Variants in GLI3 observed in about 807,000 individuals in gnomAD.
GLI3 encodes GLI family zinc finger 3.
In GLI3, 20 loss-of-function variants were observed where a neutral mutation model predicts 100.8. The ratio of observed to expected loss-of-function variants is 0.20; its 90% CI spans 0.14 to 0.29. The LOEUF is 0.29. Among genes scored for constraint, GLI3 ranks in the 10% least tolerant of loss-of-function variants. The pLI is 1.00. For synonymous variants in GLI3, 938 were observed against 860.5 expected, an observed-to-expected ratio of 1.09 and a Z score of -1.58; for missense variants, 2,040 against 2,128.5, an observed-to-expected ratio of 0.96 and a Z score of 0.82.
rs530234431 is a variant in GLI3, at chr7:42,172,358, G to A, written c.125-23890C>T. On this transcript the variant is annotated intron_variant, in intron 2 of 14. Coordinates refer to ENST00000395925, the MANE Select transcript of GLI3 (RefSeq NM_000168.6). ...GGTTTCAAACAGAAAAGAGGGATCC[G>A]CATGTCTTAACTCACTGCCTCTGTG... The A allele has an allele frequency of 1.9e-4, 109 of 576,218 alleles. 1 individual carries two copies. The East Asian group carries it at 2.7e-3, about 14-fold the overall frequency. 35.7% of individuals were successfully genotyped at this position (576,218 alleles called of 1,614,324 possible).
intron 2 of GLI3, among the ~76,000 whole-genome samples, chr7:42,189,345 T>C (rs1195937275): frequency 6.6e-6 from 1 of 152,116 alleles, no homozygotes; most frequent in Non-Finnish European, 1.5e-5. Flanking sequence ...AGGGAGATGG[T>C]TGTAGAAAGT....
chr7:42,159,144 A>T (rs907337945), intron 2 of GLI3, among the ~76,000 whole-genome samples: 1 of 151,988 alleles, frequency 6.6e-6, no homozygotes, highest in Non-Finnish European at 1.5e-5. Flanking sequence ...ACAAACAAAC[A>T]AAAAAAACAC....
chr7:42,144,285 A>C (rs1786647244), intron 3 of GLI3, among the ~76,000 whole-genome samples: 1 of 152,192 alleles, frequency 6.6e-6, no homozygotes, highest in Non-Finnish European at 1.5e-5. Flanking sequence ...ACTCTGATAC[A>C]AGATCAGGTC....
chr7:42,147,555 C>A (rs528346793), intron 3 of GLI3, among the ~76,000 whole-genome samples: 36 of 152,258 alleles, frequency 2.4e-4, no homozygotes, highest in Non-Finnish European at 3.8e-4. Flanking sequence ...ATAAACTCAA[C>A]CCTTATACAT....
intron 10 of GLI3, among the ~76,000 whole-genome samples, chr7:41,992,888 A>C (rs1788028301): frequency 6.6e-6 from 1 of 152,190 alleles, no homozygotes; most frequent in African/African-American, 2.4e-5. Context: ...GTGTGGGCTT[A>C]AGCAGGAAAA....
intron 3 of GLI3, chr7:42,145,564 G>A (rs1786682425): frequency 2.6e-6 from 1 of 391,412 alleles, no homozygotes; most frequent in African/African-American, 2.1e-5. Context: ...TTCTTAATCT[G>A]TGTTATAGAA....
At chr7:42,039,978 T>G (rs1784098299) in intron 7 of GLI3, 60 bp downstream of exon 7, 1 of 1,261,700 alleles carries the variant, frequency 7.9e-7, no homozygotes, top group South Asian at 1.2e-5. Flanking sequence ...TCACTACAGG[T>G]GCAAACAAGT....
At chr7:41,986,776 A>G (rs1455086708) in intron 10 of GLI3, among the ~76,000 whole-genome samples, 1 of 152,054 alleles carries the variant, frequency 6.6e-6, no homozygotes, top group East Asian at 1.9e-4. Flanking sequence ...ATATCAAAAC[A>G]TACGAATTGC....
At position 41,979,693 on chromosome 7, in the gene GLI3, G is replaced by A. The variant is rs1661908186; in HGVS notation, c.1498-945C>T. Reference sequence around the variant, plus strand: ...ACTACTGAAGACATTTGCATCCTAGGTTGATGCTGTTGGTCTTTATTTTCT... The same window carrying A: ...ACTACTGAAGACATTTGCATCCTAGATTGATGCTGTTGGTCTTTATTTTCT... On this transcript the variant is annotated intron_variant, in intron 10 of 14. Transcript: ENST00000395925. 2.0e-5 allele frequency among the ~76,000 whole-genome samples: 3 copies of A among 152,168 alleles called. No individual in the cohort carries two copies. The South Asian group carries it at 6.2e-4, about 32-fold the overall frequency.
intron 3 of GLI3, among the ~76,000 whole-genome samples, chr7:42,099,344 T>TA (rs1241217297): frequency 2.0e-5 from 3 of 152,226 alleles, no homozygotes; most frequent in Non-Finnish European, 4.4e-5. Flanking sequence ...ATTGTTTTTA[T>TA]AACTGAAAAG....
At chr7:42,158,353 A>C (rs1300714013) in intron 2 of GLI3, among the ~76,000 whole-genome samples, 2 of 152,330 alleles carry the variant, frequency 1.3e-5, no homozygotes, top group East Asian at 3.9e-4. Flanking sequence ...GCTTAAAGTC[A>C]CCCTTCAGGT....
At chr7:41,996,763 G>T (rs1387140948) in intron 10 of GLI3, among the ~76,000 whole-genome samples, 1 of 152,140 alleles carries the variant, frequency 6.6e-6, no homozygotes, top group South Asian at 2.1e-4. Flanking sequence ...AGCCTTAAAG[G>T]CTCTCTTCAA....
chr7:42,022,859 G>A (rs939106972), intron 10 of GLI3, among the ~76,000 whole-genome samples: 1 of 152,216 alleles, frequency 6.6e-6, no homozygotes, highest in Non-Finnish European at 1.5e-5. Context: ...GTTTGGGAGA[G>A]GAGGTGTGGT....
intron 3 of GLI3, among the ~76,000 whole-genome samples, chr7:42,139,940 A>C (rs911079735): frequency 6.6e-6 from 1 of 152,214 alleles, no homozygotes; most frequent in Non-Finnish European, 1.5e-5. Flanking sequence ...AGACTCTTGC[A>C]GGAGAGAAAC....
chr7:42,259,703 C>T (rs754239609), intron 1 of GLI3, among the ~76,000 whole-genome samples: 8 of 152,092 alleles, frequency 5.3e-5, no homozygotes, highest in African/African-American at 1.7e-4. Flanking sequence ...TTTTGATAAA[C>T]GCAGATGACC....
intron 2 of GLI3, among the ~76,000 whole-genome samples, chr7:42,191,308 CA>C (rs1168181702): frequency 6.6e-6 from 1 of 152,104 alleles, no homozygotes; most frequent in Non-Finnish European, 1.5e-5. Flanking sequence ...AATTACCAGT[CA>C]ATAAAAATAG....
chr7:42,061,416 C>G (rs1784566950), intron 4 of GLI3, among the ~76,000 whole-genome samples: 1 of 152,062 alleles, frequency 6.6e-6, no homozygotes, highest in Non-Finnish European at 1.5e-5. Flanking sequence ...TCCCTTGAAC[C>G]TTGACATCTC....
At chr7:42,144,161 C>T (rs1451492217) in intron 3 of GLI3, among the ~76,000 whole-genome samples, 1 of 152,154 alleles carries the variant, frequency 6.6e-6, no homozygotes, top group Non-Finnish European at 1.5e-5. Flanking sequence ...AAATGCATGG[C>T]AGTCAATGAA....
At chr7:42,081,376 A>G (rs947990800) in intron 3 of GLI3, among the ~76,000 whole-genome samples, 2 of 152,190 alleles carry the variant, frequency 1.3e-5, no homozygotes, top group East Asian at 1.9e-4. Flanking sequence ...CTAAACAGAG[A>G]TTTGAAGAGT....
Sources: allele counts gnomAD v4.1 joint callset (sites outside exome capture counted in the v4.1 genomes callset), GRCh38; gene constraint gnomAD v4.1.1; transcripts MANE v1.5; gene names NCBI Gene and HGNC (gene_info 2026-07-23, HGNC 2026-07-21).